COL21A1: variants seen among roughly 807,000 people sequenced by gnomAD.
COL21A1 encodes collagen type XXI alpha 1 chain.
COL21A1 carries 149 observed loss-of-function variants against 137.9 expected under a neutral mutation model. The observed-to-expected ratio is 1.08, with a 90% CI of 0.95 to 1.24. The LOEUF (loss-of-function observed/expected upper bound fraction) is 1.24. COL21A1 is among the 50% of genes most tolerant of loss of function. The probability of loss-of-function intolerance (pLI) is 0.00; values close to 1 mark genes in which losing one functional copy is unlikely to be tolerated. For synonymous variants in COL21A1, 456 were observed against 391.5 expected (o/e 1.16, Z -1.95); for missense variants, 1,167 against 1,158.4 (o/e 1.01, Z -0.11).
At chr6:56,088,370 A>T (rs912002497) in intron 17 of COL21A1, among the ~76,000 whole-genome samples, 10 of 152,186 alleles carry the variant, frequency 6.6e-5, no homozygotes, top group Non-Finnish European at 1.3e-4. Context: ...TCTCAAAAAA[A>T]AATAATTTTG....
intron 1 of COL21A1, among the ~76,000 whole-genome samples, chr6:56,288,040 A>C (rs368518423): frequency 2.6e-5 from 4 of 152,294 alleles, no homozygotes; most frequent in East Asian, 3.9e-4. Flanking sequence ...GAGACCCGTG[A>C]GTGAGTTCTA....
Position 56,098,995 on chromosome 6 carries a change from G to A in COL21A1, c.1812+2477C>T, listed in dbSNP as rs139180463. 8.1e-3 allele frequency among the ~76,000 whole-genome samples: 1,215 copies of A among 150,738 alleles called. 15 individuals carry two copies. Among genetic ancestry groups the A allele is most frequent in the African/African-American group, 0.028 (1,158 of 41,090 alleles). On this transcript the variant is annotated intron_variant, in intron 17 of 29. Coordinates refer to ENST00000244728, the MANE Select transcript of COL21A1 (RefSeq NM_030820.4). ...CTCCCAAAGTGCTGGGATTACAGGC[G>A]TGAGCCACTGCACCCGGCCTATGTT...
chr6:56,307,019 C>T (rs529887318), intron 1 of COL21A1, among the ~76,000 whole-genome samples: 1 of 152,338 alleles, frequency 6.6e-6, no homozygotes, highest in Admixed American at 6.5e-5. Flanking sequence ...GTATCAGCAG[C>T]AGAGGCTGCA....
Position 56,283,448 on chromosome 6 carries a change from C to A in COL21A1, c.-38-100792G>T, listed in dbSNP as rs1035027837. The stretch of plus-strand genomic sequence containing the variant: ...TTAACAAATAAATTTAGGCACGGAA[C>A]AAAAGCATACTTAAAATACACCAAG... On this transcript the variant is annotated intron_variant, in intron 1 of 28. Coordinates refer to the COL21A1 transcript ENST00000370819. 4.5e-4 allele frequency among the ~76,000 whole-genome samples: 69 copies of A among 152,218 alleles called. 1 individual carries two copies. The highest frequency in any genetic ancestry group is 4.4e-3 in the Admixed American group (67 of 15,288).
At chr6:56,375,249 T>C (rs1239807661) in intron 1 of COL21A1, among the ~76,000 whole-genome samples, 2 of 152,182 alleles carry the variant, frequency 1.3e-5, no homozygotes, top group East Asian at 3.8e-4. Context: ...GAGTCTGTCC[T>C]GGATATTTTC....
intron 17 of COL21A1, among the ~76,000 whole-genome samples, chr6:56,098,777 G>C (rs138897728): frequency 1.5e-5 from 2 of 136,266 alleles, no homozygotes; most frequent in Non-Finnish European, 3.1e-5. Flanking sequence ...GTGCAGTAGC[G>C]CGATCTTGGC....
chr6:56,098,268 AATATATAAAT>A (rs1426532682), intron 17 of COL21A1, among the ~76,000 whole-genome samples: 7 of 71,104 alleles, frequency 9.8e-5, no homozygotes, highest in African/African-American at 4.7e-4. Context: ...TACATATATA[AATATATAAAT>A]ATATATAAAT....
chr6:56,205,258 A>T (rs1779686912), intron 1 of COL21A1, among the ~76,000 whole-genome samples: 1 of 152,220 alleles, frequency 6.6e-6, no homozygotes, highest in African/African-American at 2.4e-5. Flanking sequence ...ACAAATTGAT[A>T]ACTAGAATAA....
intron 1 of COL21A1, among the ~76,000 whole-genome samples, chr6:56,358,048 A>G (rs1234848856): frequency 6.6e-6 from 1 of 152,232 alleles, no homozygotes; most frequent in African/African-American, 2.4e-5. Flanking sequence ...TAAGCCTAAT[A>G]CAGCTCTTTC....
intron 1 of COL21A1, among the ~76,000 whole-genome samples, chr6:56,272,179 C>T (rs9370499): frequency 0.21 from 31,549 of 152,166 alleles, 4,036 homozygotes; most frequent in Non-Finnish European, 0.29. Flanking sequence ...GCACTCAACA[C>T]CAGCCCAAGA....
intron 5 of COL21A1, 38 bp downstream of exon 5, chr6:56,170,611 G>T: frequency 4.3e-6 from 6 of 1,391,668 alleles, no homozygotes; most frequent in Non-Finnish European, 6.0e-6. Flanking sequence ...GCTTCCCCAT[G>T]AATATCATAA....
chr6:56,256,698 T>A (rs887789395), intron 1 of COL21A1, among the ~76,000 whole-genome samples: 4 of 151,772 alleles, frequency 2.6e-5, no homozygotes, highest in Non-Finnish European at 5.9e-5. Context: ...TAATATTTTT[T>A]AAAAATTTTA....
chr6:56,185,006 A>G (rs1429305471), intron 1 of COL21A1, among the ~76,000 whole-genome samples: 1 of 152,124 alleles, frequency 6.6e-6, no homozygotes, highest in Non-Finnish European at 1.5e-5. Context: ...TAAAAAGTCA[A>G]AGGAAAAGTT....
intron 1 of COL21A1, among the ~76,000 whole-genome samples, chr6:56,199,998 T>C (rs1185739884): frequency 6.6e-6 from 1 of 152,158 alleles, no homozygotes; most frequent in Non-Finnish European, 1.5e-5. Context: ...GGAAGGGCTC[T>C]GTTAGATTTG....
intron 1 of COL21A1, among the ~76,000 whole-genome samples, chr6:56,215,272 C>T (rs978748667): frequency 2.0e-5 from 3 of 152,182 alleles, no homozygotes; most frequent in African/African-American, 7.2e-5. Flanking sequence ...GGTAGCACCT[C>T]TCTTCTTCCA....
chr6:56,342,088 A>G (rs1445405207), intron 1 of COL21A1, among the ~76,000 whole-genome samples: 1 of 152,216 alleles, frequency 6.6e-6, no homozygotes, highest in Non-Finnish European at 1.5e-5. Flanking sequence ...CATGCTAAAC[A>G]AAGTTTGTAT....
chr6:56,124,669 TCTCA>T lies in COL21A1; in HGVS notation c.1651-381_1651-378del, dbSNP rs1291887889. 3.9e-5 allele frequency among the ~76,000 whole-genome samples: 6 copies of T among 151,946 alleles called. No homozygotes were observed. In the East Asian group the frequency reaches 9.6e-4, roughly 24 times the overall value. On this transcript the variant is annotated intron_variant, in intron 14 of 29. Coordinates refer to ENST00000244728, the MANE Select transcript of COL21A1 (RefSeq NM_030820.4). ...TTGTTTGTTTGTTTTTGAGACGGAG[TCTCA>T]CTCTGTTGCCCAGGCTGGAGTGCAG...
At position 56,141,807 on chromosome 6, in the gene COL21A1, T is replaced by C; in HGVS notation, c.1520A>G (p.Glu507Gly). 3.1e-6 allele frequency: 5 copies of C among 1,613,694 alleles called. No homozygotes were observed. The highest frequency in any genetic ancestry group is 4.2e-6 in the Non-Finnish European group (5 of 1,179,738). The change falls in exon 12 of 30, where the codon GAA becomes GGA. Residue 507 changes from glutamate to glycine, a missense_variant. Coordinates refer to ENST00000244728, the MANE Select transcript of COL21A1 (RefSeq NM_030820.4). ...TACCTTGTCACCATCTCGCCCTGGTTCTCCTTTGTAACCTGGTAGTCCTCG... is the reference window on the plus strand; with the variant it reads ...TACCTTGTCACCATCTCGCCCTGGTCCTCCTTTGTAACCTGGTAGTCCTCG... ...GARGLPGYKG[E>G]PGRDGDKGDR...
chr6:56,177,157 T>C (rs1582565661), intron 3 of COL21A1, among the ~76,000 whole-genome samples: 1 of 152,040 alleles, frequency 6.6e-6, no homozygotes, highest in East Asian at 1.9e-4. Context: ...AGCACAAGTC[T>C]TTTACACAGA....
Sources: allele counts gnomAD v4.1 joint callset (sites outside exome capture counted in the v4.1 genomes callset), GRCh38; gene constraint gnomAD v4.1.1; transcripts MANE v1.5; gene names NCBI Gene and HGNC (gene_info 2026-07-23, HGNC 2026-07-21).